Variants in GAPVD1 observed in about 807,000 individuals in gnomAD.
GAPVD1 encodes GTPase activating protein and VPS9 domains 1, also known as GTPase-activating protein and VPS9 domain-containing protein 1.
In GAPVD1, 35 loss-of-function variants were observed where a neutral mutation model predicts 155.5. The observed-to-expected ratio is 0.23, with a 90% CI of 0.17 to 0.30. The LOEUF is 0.30. Among genes scored for constraint, GAPVD1 ranks in the 10% least tolerant of loss-of-function variants. The pLI, the probability that GAPVD1 is intolerant of heterozygous loss-of-function variation, is 1.00. For missense variants in GAPVD1, 1,429 were observed against 1,775.7 expected (o/e 0.80, Z 3.51); for synonymous variants, 636 against 619.7 (o/e 1.03, Z -0.39).
intron 12 of GAPVD1, among the ~76,000 whole-genome samples, chr9:125,326,838 A>G (rs1032284558): frequency 6.6e-6 from 1 of 151,652 alleles, no homozygotes; most frequent in Non-Finnish European, 1.5e-5. Flanking sequence ...AAAAAAAAAA[A>G]GAAAGAAAGA....
At chr9:125,317,350 G>T (rs1334077732) in intron 9 of GAPVD1, among the ~76,000 whole-genome samples, 1 of 151,444 alleles carries the variant, frequency 6.6e-6, no homozygotes, top group Non-Finnish European at 1.5e-5. Flanking sequence ...CTTGATGGCC[G>T]GGCGGTGGCT....
At chr9:125,279,209 TAA>T (rs200050917) in intron 2 of GAPVD1, among the ~76,000 whole-genome samples, 33 of 130,290 alleles carry the variant, frequency 2.5e-4, no homozygotes, top group Admixed American at 3.2e-4. Flanking sequence ...GACTCCATCT[TAA>T]AAAAAAAAAA....
intron 27 of GAPVD1, 87 bp downstream of exon 27, chr9:125,360,812 C>A: frequency 1.0e-6 from 1 of 972,956 alleles, no homozygotes. Flanking sequence ...GATATCTTGG[C>A]TCTTTTCCAA....
intron 1 of GAPVD1, among the ~76,000 whole-genome samples, chr9:125,265,601 C>CG (rs1833775879): frequency 6.8e-6 from 1 of 147,582 alleles, no homozygotes; most frequent in Admixed American, 7.2e-5. Context: ...TTTGTAGAGA[C>CG]GGGGTTTCAC....
intron 15 of GAPVD1, among the ~76,000 whole-genome samples, chr9:125,335,410 G>T (rs1846757221): frequency 6.6e-6 from 1 of 151,862 alleles, no homozygotes. Context: ...GGGCGCGGTG[G>T]CTCACGCCCA....
chr9:125,322,528 A>G (rs1044931979), intron 10 of GAPVD1, among the ~76,000 whole-genome samples: 7 of 152,184 alleles, frequency 4.6e-5, no homozygotes, highest in Admixed American at 2.6e-4. Flanking sequence ...TAATCTCAAA[A>G]TTTTGTTGAT....
At chr9:125,301,836 T>G in intron 4 of GAPVD1, 147 bp from the exon 5 acceptor site, 1 of 582,178 alleles carries the variant, frequency 1.7e-6, no homozygotes, top group Non-Finnish European at 2.9e-6. Context: ...ATTGAGTTGC[T>G]GTTAGTTTAA....
chr9:125,315,205 CTA>C (rs1227247548), intron 9 of GAPVD1, among the ~76,000 whole-genome samples: 1 of 152,150 alleles, frequency 6.6e-6, no homozygotes, highest in Non-Finnish European at 1.5e-5. Flanking sequence ...GTGTTTGGGA[CTA>C]TGACATGATA....
intron 2 of GAPVD1, among the ~76,000 whole-genome samples, chr9:125,273,571 C>G (rs1835255283): frequency 6.6e-6 from 1 of 151,056 alleles, no homozygotes; most frequent in South Asian, 2.1e-4. Flanking sequence ...TACTTGGCCA[C>G]AAGGAAACAC....
chr9:125,311,612 A>ATT (rs1842701917), intron 8 of GAPVD1, among the ~76,000 whole-genome samples: 2 of 151,834 alleles, frequency 1.3e-5, no homozygotes, highest in East Asian at 3.9e-4. Flanking sequence ...CAAGAGTGAA[A>ATT]CTCCGTCTCA....
At chr9:125,323,717 T>G in intron 10 of GAPVD1, 81 bp from the exon 11 acceptor site, 2 of 1,319,130 alleles carry the variant, frequency 1.5e-6, no homozygotes, top group South Asian at 2.4e-5. Context: ...CAGTTGTTAG[T>G]CTTTTATCAA....
intron 9 of GAPVD1, among the ~76,000 whole-genome samples, chr9:125,315,889 G>A (rs1359183252): frequency 1.3e-5 from 2 of 152,114 alleles, no homozygotes; most frequent in Non-Finnish European, 2.9e-5. Flanking sequence ...TAACCTTCAG[G>A]CTGAACCCAA....
chr9:125,316,914 A>T (rs1406966374), intron 9 of GAPVD1, among the ~76,000 whole-genome samples: 1 of 152,216 alleles, frequency 6.6e-6, no homozygotes, highest in East Asian at 1.9e-4. Context: ...TTGTTTCCTG[A>T]CTTTTTAATG....
At chr9:125,273,952 G>C (rs1440362204) in intron 2 of GAPVD1, among the ~76,000 whole-genome samples, 1 of 151,496 alleles carries the variant, frequency 6.6e-6, no homozygotes, top group Non-Finnish European at 1.5e-5. Flanking sequence ...AATTACTAAA[G>C]TAATAAATAT....
rs1032162971 is a variant in GAPVD1 at position 125,363,483 on chromosome 9, C to T, written c.*737C>T. The T allele has an allele frequency of 2.6e-5, 4 of 152,150 alleles. No individual in the cohort carries two copies. The allele number at this position is 152,150 out of a possible 1,614,324, so 9.4% of individuals were successfully genotyped here. A position where few individuals can be genotyped will look rare whatever the true frequency, so the allele number is the denominator to read the frequency against. On this transcript the variant is annotated 3_prime_UTR_variant, in exon 28 of 28. Transcript: ENST00000297933. ...TATGGAGTTTGATGGACAGGGCTGCCTTTAATGAGTGTGAAGGTCACTAAG... is the reference window on the plus strand; with the variant it reads ...TATGGAGTTTGATGGACAGGGCTGCTTTTAATGAGTGTGAAGGTCACTAAG...
At chr9:125,334,829 T>TTAAG (rs1193282681) in intron 15 of GAPVD1, among the ~76,000 whole-genome samples, 1 of 152,070 alleles carries the variant, frequency 6.6e-6, no homozygotes, top group Non-Finnish European at 1.5e-5. Context: ...ATGATCCTGT[T>TTAAG]TCTTAGAGAA....
chr9:125,283,761 C>T (rs867963505), intron 2 of GAPVD1, among the ~76,000 whole-genome samples: 4 of 152,142 alleles, frequency 2.6e-5, no homozygotes, highest in Non-Finnish European at 5.9e-5. Flanking sequence ...ATTCTTATCC[C>T]ATAAAAAGTT....
chr9:125,360,486 C>T, intron 26 of GAPVD1, 42 bp from the exon 27 acceptor site: 2 of 1,523,966 alleles, frequency 1.3e-6, no homozygotes, highest in South Asian at 1.1e-5. Context: ...GCAGGGTTGC[C>T]ACTGGATTCA....
chr9:125,274,751 T>C (rs1835492738), intron 2 of GAPVD1, among the ~76,000 whole-genome samples: 1 of 152,028 alleles, frequency 6.6e-6, no homozygotes, highest in Admixed American at 6.6e-5. Context: ...CGTGAGCCAC[T>C]GTGCCTGGCC....
Sources: gnomAD v4.1 joint callset for allele counts (sites outside exome capture counted in the v4.1 genomes callset) on GRCh38, gnomAD v4.1.1 for gene constraint, MANE v1.5 for transcripts, NCBI Gene and HGNC (gene_info 2026-07-23, HGNC 2026-07-21) for gene names.